The following ADGRB3 variants were observed in gnomAD, a reference collection of about 807,000 sequenced individuals.
The protein encoded by ADGRB3 is adhesion G protein-coupled receptor B3.
A neutral mutation model predicts 193.4 loss-of-function variants in ADGRB3; 37 were observed. The observed-to-expected ratio is 0.19, with a 90% CI of 0.15 to 0.25. The LOEUF (loss-of-function observed/expected upper bound fraction) is 0.25, where lower values mean the gene tolerates loss of function less well. Among genes scored for constraint, ADGRB3 ranks in the 10% least tolerant of loss-of-function variants. ADGRB3 has a pLI of 1.00. For synonymous variants in ADGRB3, 690 were observed against 644.2 expected (o/e 1.07, Z -1.08); for missense variants, 1,637 against 1,852.9 (o/e 0.88, Z 2.14).
At chr6:69,119,252 C>T (rs1406852946) in intron 17 of ADGRB3, among the ~76,000 whole-genome samples, 1 of 152,034 alleles carries the variant, frequency 6.6e-6, no homozygotes, top group Non-Finnish European at 1.5e-5. Context: ...AATTTATCAG[C>T]CAATGATAAA....
chr6:69,240,865 C>T (rs1281541958), intron 20 of ADGRB3, among the ~76,000 whole-genome samples: 1 of 151,900 alleles, frequency 6.6e-6, no homozygotes, highest in Non-Finnish European at 1.5e-5. Flanking sequence ...AACCTCCACC[C>T]AGAAAAAGAG....
At chr6:68,969,194 T>A (rs1768483180) in intron 8 of ADGRB3, among the ~76,000 whole-genome samples, 1 of 152,152 alleles carries the variant, frequency 6.6e-6, no homozygotes, top group African/African-American at 2.4e-5. Context: ...CCAAGTATTT[T>A]CAATCTGTTG....
rs370521412 is a variant in ADGRB3, at chr6:69,260,733, A to C, written c.2814+21507A>C. Among the ~76,000 whole-genome samples, 178 of 152,246 alleles carry C rather than the reference A, an allele frequency of 1.2e-3. 2 individuals are homozygous for C. In the South Asian group the frequency reaches 0.03, roughly 26 times the overall value. On this transcript the variant is annotated intron_variant, in intron 20 of 31. Transcript: ENST00000370598. ...ATTCCAGGATTCTTACTTAGGGAGA[A>C]TCCTAGAATTATTATTTATATTCTC...
At chr6:68,922,063 C>T (rs79922727) in intron 3 of ADGRB3, among the ~76,000 whole-genome samples, 251 of 152,274 alleles carry the variant, frequency 1.6e-3, no homozygotes, top group Middle Eastern at 0.014. Context: ...CTACTGCTAA[C>T]CTTCCTAAAG....
intron 26 of ADGRB3, among the ~76,000 whole-genome samples, chr6:69,342,430 C>T (rs1768995780): frequency 6.6e-6 from 1 of 152,038 alleles, no homozygotes; most frequent in African/African-American, 2.4e-5. Context: ...GGCAAGTCTG[C>T]TTCAGAATTC....
chr6:68,830,271 T>A (rs1767927753), intron 3 of ADGRB3, among the ~76,000 whole-genome samples: 1 of 152,138 alleles, frequency 6.6e-6, no homozygotes, highest in Non-Finnish European at 1.5e-5. Flanking sequence ...GACAATAAAA[T>A]GCTAGATCAA....
chr6:68,996,638 T>A (rs987176665), intron 11 of ADGRB3, among the ~76,000 whole-genome samples: 3 of 152,080 alleles, frequency 2.0e-5, no homozygotes, highest in Non-Finnish European at 4.4e-5. Context: ...TTGCTTCCTC[T>A]GTGTTTTCAG....
intron 17 of ADGRB3, among the ~76,000 whole-genome samples, chr6:69,107,841 C>T (rs1234712732): frequency 4.6e-5 from 7 of 152,044 alleles, no homozygotes; most frequent in South Asian, 2.1e-4. Context: ...GCTAAACATT[C>T]GGTACTCAGG....
chr6:68,961,290 G>A (rs1255404086), intron 8 of ADGRB3, among the ~76,000 whole-genome samples: 1 of 152,192 alleles, frequency 6.6e-6, no homozygotes, highest in Non-Finnish European at 1.5e-5. Flanking sequence ...AACAACTTGG[G>A]TATCATTTGA....
rs187392198 is a variant in ADGRB3 at position 69,083,234 on chromosome 6, C to A, written c.2480+7196C>A. On this transcript the variant is annotated intron_variant, in intron 17 of 31. Coordinates refer to ENST00000370598, the MANE Select transcript of ADGRB3 (RefSeq NM_001704.3). ...GCCCTAAAAAGCTTTGTGTATATAT[C>A]TTTTATAATCCTTATATTTTCCGCT... Among the ~76,000 whole-genome samples, 3 of 152,248 alleles carry A rather than the reference C, an allele frequency of 2.0e-5. No individual in the cohort carries two copies. In the East Asian group the frequency reaches 5.8e-4, roughly 29 times the overall value.
intron 13 of ADGRB3, among the ~76,000 whole-genome samples, chr6:69,031,564 T>TTTCTTTCTTTCTTTCTTTC (rs1398380007): frequency 5.9e-5 from 8 of 135,750 alleles, no homozygotes; most frequent in South Asian, 2.5e-4. Flanking sequence ...TCTTTCTTTC[T>TTTCTTTCTTTCTTTCTTTC]TTTCTTCCTC....
chr6:69,091,177 A>G (rs1772693780), intron 17 of ADGRB3, among the ~76,000 whole-genome samples: 1 of 152,230 alleles, frequency 6.6e-6, no homozygotes, highest in African/African-American at 2.4e-5. Context: ...AGGAATGCTT[A>G]TACACTGTTG....
intron 17 of ADGRB3, among the ~76,000 whole-genome samples, chr6:69,112,285 GA>G (rs1773388132): frequency 6.6e-6 from 1 of 152,090 alleles, no homozygotes; most frequent in East Asian, 1.9e-4. Context: ...CCAGCCAGCA[GA>G]AAAAGGAAAG....
intron 3 of ADGRB3, among the ~76,000 whole-genome samples, chr6:68,830,408 A>G (rs914906222): frequency 5.3e-5 from 8 of 152,314 alleles, no homozygotes; most frequent in African/African-American, 1.9e-4. Context: ...TCCAAAAGCA[A>G]TATATAGAAC....
rs756673539 is a variant in ADGRB3, at chr6:68,638,890, A to C, written c.215A>C (p.Lys72Thr). 3.7e-6 allele frequency: 6 copies of C among 1,614,072 alleles called. No homozygotes were observed. Among genetic ancestry groups the C allele is most frequent in the South Asian group, 3.3e-5 (3 of 91,076 alleles). The change falls in exon 3 of 32, where the codon AAA becomes ACA. Residue 72 changes from lysine to threonine, a missense_variant. Around this residue, in one of 7 missense-constraint regions of ADGRB3, gnomAD observed 365 missense variants for 409.8 expected, o/e 0.89. Coordinates refer to ENST00000370598, the MANE Select transcript of ADGRB3 (RefSeq NM_001704.3). ...PDPTKYSIYL[K>T]FSKKDLSCSN... ...CCAACCAAATATAGCATTTACCTGA[A>C]ATTTTCCAAAAAGGACCTTAGCTGC...
chr6:69,187,003 A>G (rs1462083415), intron 17 of ADGRB3, among the ~76,000 whole-genome samples: 4 of 149,734 alleles, frequency 2.7e-5, no homozygotes, highest in Non-Finnish European at 5.9e-5. Context: ...AGGTTCAGCT[A>G]TTACACAACA....
intron 26 of ADGRB3, among the ~76,000 whole-genome samples, chr6:69,353,548 A>T (rs573163112): frequency 5.2e-5 from 7 of 135,750 alleles, no homozygotes; most frequent in Non-Finnish European, 8.8e-5. Flanking sequence ...TAAAGCTGTT[A>T]TGAAGATAAT....
At chr6:69,211,982 C>T (rs1765677331) in intron 17 of ADGRB3, among the ~76,000 whole-genome samples, 1 of 152,116 alleles carries the variant, frequency 6.6e-6, no homozygotes, top group East Asian at 1.9e-4. Flanking sequence ...GAGATAAGCT[C>T]AAGTTTATAC....
At chr6:69,236,479 A>G (rs541658879) in intron 19 of ADGRB3, among the ~76,000 whole-genome samples, 38 of 152,174 alleles carry the variant, frequency 2.5e-4, no homozygotes, top group African/African-American at 9.1e-4. Flanking sequence ...ACATTGTCTC[A>G]GTAATGCAAA....
Sources: allele counts gnomAD v4.1 joint callset (sites outside exome capture counted in the v4.1 genomes callset), GRCh38; gene constraint gnomAD v4.1.1; regional missense constraint gnomAD v4.1.1; transcripts MANE v1.5; gene names NCBI Gene and HGNC (gene_info 2026-07-23, HGNC 2026-07-21).